The following RGS7 variants were observed in gnomAD, a reference collection of about 807,000 sequenced individuals.
RGS7 encodes regulator of G protein signaling 7, also known as regulator of G-protein signaling 7.
In RGS7, 27 loss-of-function variants were observed where a neutral mutation model predicts 81.1. The observed-to-expected ratio is 0.33, with a 90% CI of 0.25 to 0.46. The LOEUF is 0.46. Ranked by LOEUF, RGS7 falls within the 20% of genes least tolerant of loss-of-function variation. RGS7 has a pLI of 1.00. For missense variants in RGS7, 396 were observed against 607.4 expected (o/e 0.65, Z 3.66); for synonymous variants, 208 against 207.7 (o/e 1.00, Z -0.01).
At chr1:240,842,675 ACTC>A (rs1658284888) in intron 9 of RGS7, among the ~76,000 whole-genome samples, 1 of 152,006 alleles carries the variant, frequency 6.6e-6, no homozygotes, top group South Asian at 2.1e-4. Flanking sequence ...AGAGTGTAAA[ACTC>A]AGTTCACTTC....
intron 2 of RGS7, among the ~76,000 whole-genome samples, chr1:241,242,893 TG>T (rs1415852535): frequency 2.0e-5 from 3 of 152,262 alleles, no homozygotes; most frequent in Non-Finnish European, 4.4e-5. Flanking sequence ...CTTTGTCAGA[TG>T]TATAGATTAT....
At chr1:240,926,216 C>T (rs549958456) in intron 6 of RGS7, among the ~76,000 whole-genome samples, 11 of 152,184 alleles carry the variant, frequency 7.2e-5, no homozygotes, top group Non-Finnish European at 1.5e-4. Flanking sequence ...AATTATTTAC[C>T]AAGGCCATTG....
At chr1:240,933,337 C>CT (rs1398790199) in intron 5 of RGS7, among the ~76,000 whole-genome samples, 1 of 151,902 alleles carries the variant, frequency 6.6e-6, no homozygotes, top group Non-Finnish European at 1.5e-5. Flanking sequence ...AAGACATATA[C>CT]TTTTTTCCCA....
chr1:241,222,826 CCT>C (rs948067661), intron 2 of RGS7, among the ~76,000 whole-genome samples: 4 of 150,884 alleles, frequency 2.7e-5, no homozygotes, highest in Admixed American at 2.6e-4. Context: ...CCCCCCACCC[CCT>C]GACAGGCCCT....
At chr1:241,154,796 A>C (rs1321855155) in intron 2 of RGS7, among the ~76,000 whole-genome samples, 2 of 152,192 alleles carry the variant, frequency 1.3e-5, no homozygotes, top group East Asian at 3.9e-4. Flanking sequence ...TCACTGGCTG[A>C]CTTTCACTGT....
chr1:240,846,347 A>G (rs1158125288), intron 9 of RGS7, among the ~76,000 whole-genome samples: 1 of 152,184 alleles, frequency 6.6e-6, no homozygotes, highest in Non-Finnish European at 1.5e-5. Flanking sequence ...GGTGAGAGAC[A>G]TTCTTTAGTT....
chr1:241,040,055 T>C (rs1045176326), intron 3 of RGS7, among the ~76,000 whole-genome samples: 4 of 152,228 alleles, frequency 2.6e-5, no homozygotes, highest in African/African-American at 9.6e-5. Flanking sequence ...AGTCTCATCA[T>C]GATGATACAC....
intron 9 of RGS7, among the ~76,000 whole-genome samples, chr1:240,852,814 G>A (rs1660352791): frequency 6.6e-6 from 1 of 152,144 alleles, no homozygotes; most frequent in African/African-American, 2.4e-5. Context: ...CTGGCTCTAA[G>A]GCACACAAGC....
Position 240,801,517 on chromosome 1 carries a change from T to C in RGS7, c.1360-9A>G. ...TCCATTGAGTTTCCAGACTTACGTA[T>C]GTGGGGTAGGATAGGATGAAGGGAA... On this transcript the variant is annotated splice_polypyrimidine_tract_variant and intron_variant, in intron 16 of 18. Coordinates refer to ENST00000440928, the MANE Select transcript of RGS7 (RefSeq NM_001364886.1). 1.3e-6 allele frequency: 2 copies of C among 1,592,972 alleles called. No homozygotes were observed. Among genetic ancestry groups the C allele is most frequent in the Non-Finnish European group, 1.7e-6 (2 of 1,161,382 alleles).
chr1:241,117,358 C>G (rs1429246526), intron 2 of RGS7, among the ~76,000 whole-genome samples: 1 of 152,148 alleles, frequency 6.6e-6, no homozygotes, highest in Non-Finnish European at 1.5e-5. Context: ...TATGCAGAAC[C>G]TACATCATTC....
chr1:241,138,287 G>T (rs1230637813), intron 2 of RGS7, among the ~76,000 whole-genome samples: 1 of 152,052 alleles, frequency 6.6e-6, no homozygotes, highest in African/African-American at 2.4e-5. Flanking sequence ...AAGTGATACA[G>T]GTATCAGAAA....
chr1:240,942,051 A>C (rs191609754), intron 4 of RGS7, among the ~76,000 whole-genome samples: 1 of 152,234 alleles, frequency 6.6e-6, no homozygotes, highest in East Asian at 1.9e-4. Flanking sequence ...AACAAAAATC[A>C]ATCTCCAAAC....
chr1:241,166,065 A>T (rs1296010498), intron 2 of RGS7, among the ~76,000 whole-genome samples: 1 of 152,202 alleles, frequency 6.6e-6, no homozygotes, highest in Non-Finnish European at 1.5e-5. Flanking sequence ...ATGTCTGAGA[A>T]GCTCATGTCT....
Position 241,163,338 on chromosome 1 carries a change from T to C in RGS7, c.79-64576A>G, listed in dbSNP as rs1156703278. On this transcript the variant is annotated intron_variant, in intron 2 of 18. Transcript: ENST00000440928. This position sits in a 1 kb window ranked among gnomAD's most constrained non-coding sequence, Gnocchi z 4.6. ...ATACAGGGTGGAGGAAATCAAAATA[T>C]CTCAAAACATCCTTCTCGGACATAT... Among the ~76,000 whole-genome samples the C allele has an allele frequency of 6.6e-6, 1 of 152,148 alleles. No homozygotes were observed. The highest frequency in any genetic ancestry group is 1.5e-5 in the Non-Finnish European group (1 of 68,028).
At chr1:241,335,630 T>C (rs553875820) in intron 2 of RGS7, among the ~76,000 whole-genome samples, 12 of 152,286 alleles carry the variant, frequency 7.9e-5, no homozygotes, top group African/African-American at 2.6e-4. Context: ...TTAGGTCCTA[T>C]TGGAACACAC....
At chr1:241,233,082 C>T (rs780666577) in intron 2 of RGS7, among the ~76,000 whole-genome samples, 4 of 152,180 alleles carry the variant, frequency 2.6e-5, no homozygotes, top group South Asian at 2.1e-4. Context: ...CCCCAGCACC[C>T]GTAAGTCAGA....
intron 12 of RGS7, 61 bp downstream of exon 12, chr1:240,814,655 T>C: frequency 9.9e-7 from 1 of 1,006,476 alleles, no homozygotes; most frequent in Non-Finnish European, 1.6e-6. Context: ...CTTTCATTTT[T>C]AAACACATGT....
intron 4 of RGS7, among the ~76,000 whole-genome samples, chr1:240,943,428 A>G (rs993428230): frequency 2.0e-5 from 3 of 152,216 alleles, no homozygotes; most frequent in Admixed American, 2.0e-4. Context: ...CTTAAAACAC[A>G]GTCTACCACA....
At position 241,197,755 on chromosome 1, in the gene RGS7, G is replaced by A. The variant is rs1213972380; in HGVS notation, c.79-98993C>T. Among the ~76,000 whole-genome samples the A allele has an allele frequency of 8.0e-5, 12 of 150,672 alleles. No individual in the cohort carries two copies. In the East Asian group the frequency reaches 2.3e-3, roughly 29 times the overall value. On this transcript the variant is annotated intron_variant, in intron 2 of 18. Transcript: ENST00000440928. Reference sequence around the variant, plus strand: ...AGATATATAAAAATTCAAAATTGTAGTGAGAGATTTCCATACATATACTTA... The same window carrying A: ...AGATATATAAAAATTCAAAATTGTAATGAGAGATTTCCATACATATACTTA...
Sources: gnomAD v4.1 joint callset for allele counts (sites outside exome capture counted in the v4.1 genomes callset) on GRCh38, gnomAD v4.1.1 for gene constraint, Gnocchi (gnomAD v3.1) non-coding constraint, MANE v1.5 for transcripts, NCBI Gene and HGNC (gene_info 2026-07-23, HGNC 2026-07-21) for gene names.